The following ERC2 variants were observed in gnomAD, a reference collection of about 807,000 sequenced individuals.
ERC2 encodes ERC protein 2.
A neutral mutation model predicts 114.8 loss-of-function variants in ERC2; 42 were observed. That is an observed-to-expected ratio of 0.37 (90% CI 0.29 to 0.47). ERC2 has a LOEUF of 0.47. Among genes scored for constraint, ERC2 ranks in the 20% least tolerant of loss-of-function variants. ERC2 has a pLI of 0.99. For synonymous variants in ERC2, 454 were observed against 425.5 expected, an observed-to-expected ratio of 1.07 and a Z score of -0.82; for missense variants, 939 against 1,150.7, an observed-to-expected ratio of 0.82 and a Z score of 2.66.
chr3:55,532,614 C>A (rs2053741560), intron 17 of ERC2, among the ~76,000 whole-genome samples: 1 of 152,154 alleles, frequency 6.6e-6, no homozygotes, highest in Admixed American at 6.5e-5. Context: ...TCTTTTTATT[C>A]TCATTTAGAG....
intron 1 of ERC2, among the ~76,000 whole-genome samples, chr3:56,447,032 C>T (rs893017393): frequency 5.9e-5 from 9 of 152,224 alleles, no homozygotes; most frequent in African/African-American, 2.2e-4. Flanking sequence ...GCAAGAAACT[C>T]CATCATGGGC....
At chr3:55,558,379 A>G (rs1024195206) in intron 17 of ERC2, among the ~76,000 whole-genome samples, 27 of 152,362 alleles carry the variant, frequency 1.8e-4, no homozygotes, top group African/African-American at 6.0e-4. Flanking sequence ...TTATATTTGC[A>G]GAAACCCTGA....
chr3:55,697,132 C>T (rs896738869), intron 16 of ERC2, among the ~76,000 whole-genome samples: 2 of 152,156 alleles, frequency 1.3e-5, no homozygotes, highest in African/African-American at 2.4e-5. Flanking sequence ...ACAGCAAATG[C>T]CTTGAAGACA....
chr3:56,170,603 T>TTTTTG (rs1560298983), intron 4 of ERC2, among the ~76,000 whole-genome samples: 3 of 82,784 alleles, frequency 3.6e-5, no homozygotes, highest in East Asian at 5.0e-4. Flanking sequence ...TTTTTTTTTT[T>TTTTTG]TTTTTTTTTT....
intron 6 of ERC2, among the ~76,000 whole-genome samples, chr3:56,123,440 T>C (rs1484485443): frequency 6.6e-6 from 1 of 151,710 alleles, no homozygotes; most frequent in Admixed American, 6.6e-5. Flanking sequence ...CCTCCAAAAC[T>C]GTGAGGAAAA....
At chr3:55,622,129 A>G (rs2148600076) in intron 17 of ERC2, among the ~76,000 whole-genome samples, 1 of 152,350 alleles carries the variant, frequency 6.6e-6, no homozygotes, top group Non-Finnish European at 1.5e-5. Flanking sequence ...CTTGACAGAC[A>G]TAACTGTTTG....
At chr3:55,597,049 G>A (rs1173119194) in intron 17 of ERC2, among the ~76,000 whole-genome samples, 1 of 152,184 alleles carries the variant, frequency 6.6e-6, no homozygotes, top group Non-Finnish European at 1.5e-5. Context: ...AATTGAACAT[G>A]TGCTTGGTTA....
intron 7 of ERC2, among the ~76,000 whole-genome samples, chr3:56,055,288 G>A (rs554907940): frequency 7.9e-5 from 12 of 152,292 alleles, no homozygotes; most frequent in African/African-American, 2.9e-4. Context: ...TGATGGGGAG[G>A]GCAGACTTAG....
At chr3:55,745,515 T>C (rs1032668630) in intron 14 of ERC2, among the ~76,000 whole-genome samples, 2 of 152,196 alleles carry the variant, frequency 1.3e-5, no homozygotes, top group Non-Finnish European at 2.9e-5. Flanking sequence ...TTAGTGGTAA[T>C]GTTAGATGAT....
At chr3:55,986,153 T>C (rs113442520) in intron 11 of ERC2, among the ~76,000 whole-genome samples, 165 bp from the exon 12 acceptor site, 5 of 152,308 alleles carry the variant, frequency 3.3e-5, no homozygotes, top group African/African-American at 1.2e-4. Flanking sequence ...TATCTTATAT[T>C]ACCCCCAAAA....
chr3:55,600,922 A>G (rs534140537), intron 17 of ERC2, among the ~76,000 whole-genome samples: 1 of 152,372 alleles, frequency 6.6e-6, no homozygotes, highest in Admixed American at 6.5e-5. Context: ...GCCATGTGGC[A>G]TCTGGATGAG....
At chr3:56,428,575 A>AGGGAGGGGT in intron 2 of ERC2, among the ~76,000 whole-genome samples, 1 of 98,468 alleles carries the variant, frequency 1.0e-5, no homozygotes, top group African/African-American at 3.9e-5. Flanking sequence ...GAGGGAGGGG[A>AGGGAGGGGT]GAAAAGAATT....
intron 17 of ERC2, among the ~76,000 whole-genome samples, chr3:55,669,245 T>C (rs815418): frequency 0.8 from 122,268 of 152,178 alleles, 49,182 homozygotes; most frequent in African/African-American, 0.86. Context: ...CCACTTTTCA[T>C]GTGATTTCTG....
chr3:55,852,988 C>A (rs947309832), intron 14 of ERC2, among the ~76,000 whole-genome samples: 1 of 152,180 alleles, frequency 6.6e-6, no homozygotes, highest in Non-Finnish European at 1.5e-5. Flanking sequence ...CCTATACATG[C>A]CAGTAGCATA....
At chr3:55,864,889 C>T (rs147555199) in intron 14 of ERC2, among the ~76,000 whole-genome samples, 6 of 152,206 alleles carry the variant, frequency 3.9e-5, no homozygotes, top group African/African-American at 1.2e-4. Context: ...TCACCATCAC[C>T]GCCATAATCA....
At chr3:55,673,680 C>T (rs541381079) in intron 17 of ERC2, among the ~76,000 whole-genome samples, 2 of 152,150 alleles carry the variant, frequency 1.3e-5, no homozygotes, top group African/African-American at 4.8e-5. Context: ...CCAGGGGAGA[C>T]AAGTACAAAA....
chr3:55,762,264 A>T (rs1360519096), intron 14 of ERC2, among the ~76,000 whole-genome samples: 1 of 152,180 alleles, frequency 6.6e-6, no homozygotes, highest in East Asian at 1.9e-4. Flanking sequence ...AGGATGGACT[A>T]TTCTAAACAT....
intron 14 of ERC2, among the ~76,000 whole-genome samples, chr3:55,793,645 AAAAC>A (rs1416454718): frequency 6.6e-6 from 1 of 152,220 alleles, no homozygotes; most frequent in Non-Finnish European, 1.5e-5. Flanking sequence ...ATTAAAATTA[AAAAC>A]AAAAGAGCCT....
chr3:55,675,474 G>A (rs1477877195), intron 17 of ERC2, among the ~76,000 whole-genome samples: 1 of 152,196 alleles, frequency 6.6e-6, no homozygotes, highest in Non-Finnish European at 1.5e-5. Flanking sequence ...AAGGAATCTA[G>A]CCATTCTGAT....
Sources: allele counts gnomAD v4.1 joint callset (sites outside exome capture counted in the v4.1 genomes callset), GRCh38; gene constraint gnomAD v4.1.1; transcripts MANE v1.5; gene names NCBI Gene and HGNC (gene_info 2026-07-23, HGNC 2026-07-21).